SCRN1: variants seen among roughly 807,000 people sequenced by gnomAD.
SCRN1 encodes secernin 1, also known as secernin-1.
SCRN1 carries 19 observed loss-of-function variants against 43.3 expected under a neutral mutation model. The ratio of observed to expected loss-of-function variants is 0.44; its 90% CI spans 0.31 to 0.64. SCRN1 has a LOEUF of 0.64. SCRN1 is among the 30% of genes least tolerant of loss of function. The pLI is 0.09. For synonymous variants in SCRN1, 183 were observed against 188.9 expected (o/e 0.97, Z 0.26); for missense variants, 447 against 524.1 (o/e 0.85, Z 1.44).
intron 3 of SCRN1, among the ~76,000 whole-genome samples, chr7:29,948,281 C>T (rs1787801113): frequency 6.6e-6 from 1 of 152,210 alleles, no homozygotes; most frequent in Non-Finnish European, 1.5e-5. Flanking sequence ...TCCTTCAACC[C>T]TCCTAAGCTC....
intron 2 of SCRN1, among the ~76,000 whole-genome samples, chr7:29,956,820 C>A (rs969762601): frequency 4.6e-5 from 7 of 152,064 alleles, no homozygotes; most frequent in African/African-American, 1.7e-4. Flanking sequence ...TCCCTCTATG[C>A]AGTTCCCAAA....
intron 7 of SCRN1, among the ~76,000 whole-genome samples, chr7:29,925,982 C>G (rs772682341): frequency 4.5e-4 from 69 of 151,948 alleles, no homozygotes; most frequent in Middle Eastern, 3.4e-3. Flanking sequence ...TAGTTCAGTG[C>G]ATTAAGCTCA....
chr7:29,949,724 G>T (rs1409095242), intron 3 of SCRN1, among the ~76,000 whole-genome samples: 1 of 152,072 alleles, frequency 6.6e-6, no homozygotes, highest in Non-Finnish European at 1.5e-5. Context: ...ACCCAGGCTG[G>T]AGTGCAGTAG....
Position 29,923,822 on chromosome 7 carries a change from C to T in SCRN1, c.*135G>A. ...AGATTCAAGGTGGAACACAAGGTAACAGTTTGATCTGGCTTCAGAAAAGGA... is the reference window on the plus strand; with the variant it reads ...AGATTCAAGGTGGAACACAAGGTAATAGTTTGATCTGGCTTCAGAAAAGGA... On this transcript the variant is annotated 3_prime_UTR_variant, in exon 8 of 8. Transcript: ENST00000242059. The T allele has an allele frequency of 4.3e-6, 4 of 922,522 alleles. No homozygotes were observed. Among genetic ancestry groups the T allele is most frequent in the South Asian group, 1.6e-5 (1 of 61,752 alleles). The allele number at this position is 922,522 out of a possible 1,614,324, so 57.1% of individuals were successfully genotyped here. A position where few individuals can be genotyped will look rare whatever the true frequency, so the allele number is the denominator to read the frequency against.
chr7:29,954,072 A>G (rs911936094), intron 3 of SCRN1, among the ~76,000 whole-genome samples: 1 of 152,070 alleles, frequency 6.6e-6, no homozygotes, highest in African/African-American at 2.4e-5. Flanking sequence ...GTTCCAGCCT[A>G]CCTTCTACTT....
intron 5 of SCRN1, among the ~76,000 whole-genome samples, chr7:29,937,326 C>T (rs900925306): frequency 6.6e-6 from 1 of 152,206 alleles, no homozygotes; most frequent in African/African-American, 2.4e-5. Flanking sequence ...TTTATTTTCT[C>T]CCTTCCTGCC....
intron 6 of SCRN1, among the ~76,000 whole-genome samples, chr7:29,929,339 A>G (rs1470816466): frequency 3.9e-5 from 6 of 152,148 alleles, no homozygotes; most frequent in Non-Finnish European, 7.4e-5. Flanking sequence ...CAGGCAAGGG[A>G]ACTGCGACCA....
intron 1 of SCRN1, among the ~76,000 whole-genome samples, chr7:29,987,916 C>G (rs1249516928): frequency 6.6e-6 from 1 of 152,226 alleles, no homozygotes; most frequent in East Asian, 1.9e-4. Context: ...CTGCCTCCAC[C>G]TCTGCCCCCC....
At chr7:29,954,242 G>T (rs1004528406) in intron 3 of SCRN1, among the ~76,000 whole-genome samples, 1 of 151,836 alleles carries the variant, frequency 6.6e-6, no homozygotes, top group African/African-American at 2.4e-5. Context: ...AGGGGAAAAA[G>T]GAAGAAAAAA....
At chr7:29,972,148 T>G (rs984560416) in intron 1 of SCRN1, among the ~76,000 whole-genome samples, 1 of 152,226 alleles carries the variant, frequency 6.6e-6, no homozygotes, top group South Asian at 2.1e-4. Flanking sequence ...AATGCCTTTA[T>G]AGAGTGCTAC....
intron 5 of SCRN1, 48 bp downstream of exon 5, chr7:29,940,634 A>C (rs768704750): frequency 1.3e-6 from 2 of 1,507,520 alleles, no homozygotes; most frequent in South Asian, 2.6e-5. Context: ...AAACAGCTGC[A>C]AGAGAAAGGG....
intron 2 of SCRN1, among the ~76,000 whole-genome samples, chr7:29,961,396 A>C (rs1788305146): frequency 8.3e-6 from 1 of 120,466 alleles, no homozygotes; most frequent in Non-Finnish European, 1.7e-5. Context: ...GTAAGGTCAC[A>C]GATCAACAGG....
chr7:29,944,368 T>A (rs1465826988), intron 3 of SCRN1, among the ~76,000 whole-genome samples, 189 bp from the exon 4 acceptor site: 1 of 152,118 alleles, frequency 6.6e-6, no homozygotes, highest in Non-Finnish European at 1.5e-5. Context: ...CATGTTTGCT[T>A]AAAAAACCAT....
chr7:29,947,900 G>A (rs150530718), intron 3 of SCRN1, among the ~76,000 whole-genome samples: 57 of 152,290 alleles, frequency 3.7e-4, no homozygotes, highest in African/African-American at 1.3e-3. Flanking sequence ...GAAGATGGCC[G>A]TCTGCAAACC....
At chr7:29,930,382 T>G (rs963486449) in intron 6 of SCRN1, among the ~76,000 whole-genome samples, 58 of 152,208 alleles carry the variant, frequency 3.8e-4, no homozygotes, top group African/African-American at 1.4e-3. Context: ...CTTATCAATC[T>G]TTACAGAAAA....
At chr7:29,937,550 C>T (rs1036956882) in intron 5 of SCRN1, among the ~76,000 whole-genome samples, 1 of 152,162 alleles carries the variant, frequency 6.6e-6, no homozygotes, top group African/African-American at 2.4e-5. Context: ...CAAGAAAGTA[C>T]ATACAATCTA....
intron 2 of SCRN1, among the ~76,000 whole-genome samples, chr7:29,963,549 T>C (rs1318108139): frequency 5.3e-5 from 8 of 152,170 alleles, no homozygotes; most frequent in Non-Finnish European, 1.0e-4. Flanking sequence ...GAGCTAACAA[T>C]GAGAATAGAA....
chr7:29,982,074 T>A (rs562670183), intron 1 of SCRN1, among the ~76,000 whole-genome samples: 18 of 152,340 alleles, frequency 1.2e-4, no homozygotes, highest in African/African-American at 4.3e-4. Context: ...ACTCTTTTCC[T>A]CACTTATGGG....
At chr7:29,943,918 C>T in intron 4 of SCRN1, 59 bp downstream of exon 4, 1 of 1,521,104 alleles carries the variant, frequency 6.6e-7, no homozygotes, top group Middle Eastern at 1.9e-4. Flanking sequence ...ACGTGCAGGC[C>T]ACCCCATCTC....
Sources: allele counts gnomAD v4.1 joint callset (sites outside exome capture counted in the v4.1 genomes callset), GRCh38; gene constraint gnomAD v4.1.1; transcripts MANE v1.5; gene names NCBI Gene and HGNC (gene_info 2026-07-23, HGNC 2026-07-21).